GSTT4: variants seen among roughly 807,000 people sequenced by gnomAD.
GSTT4 encodes glutathione S-transferase theta-4.
At chr22:23,993,989 A>G (rs1196148225), downstream of GSTT4, among the ~76,000 whole-genome samples, 3 of 152,220 alleles carry the variant, frequency 2.0e-5, no homozygotes, top group East Asian at 1.9e-4. Flanking sequence ...TGGAAGCTAC[A>G]GGGTTTCATG....
the GSTT4 span, among the ~76,000 whole-genome samples, chr22:23,992,862 C>T: frequency 2.0e-5 from 3 of 151,724 alleles, no homozygotes; most frequent in Non-Finnish European, 2.9e-5. Context: ...ACTGCAGCCT[C>T]GACCTGGGCT....
downstream of GSTT4, among the ~76,000 whole-genome samples, chr22:23,994,208 A>G (rs369024124): frequency 6.7e-6 from 1 of 148,836 alleles, no homozygotes; most frequent in African/African-American, 2.5e-5. Context: ...CTTTTGAACA[A>G]TGTAATCATA....
chr22:23,992,254 C>T, the GSTT4 span, among the ~76,000 whole-genome samples: 1 of 141,988 alleles, frequency 7.0e-6, no homozygotes, highest in Non-Finnish European at 1.5e-5. Flanking sequence ...CTAGCTAACG[C>T]CTCCCCGAGA....
the GSTT4 span, among the ~76,000 whole-genome samples, chr22:23,989,660 C>T: frequency 2.0e-5 from 3 of 151,028 alleles, 1 homozygote; most frequent in Non-Finnish European, 4.4e-5. Flanking sequence ...GCTGGGAATC[C>T]CTGCCCCATT....
the GSTT4 span, among the ~76,000 whole-genome samples, chr22:23,989,461 C>T: frequency 1.4e-5 from 2 of 142,632 alleles, no homozygotes; most frequent in African/African-American, 5.0e-5. Flanking sequence ...ATTCACACCC[C>T]ACCCCCAGCC....
chr22:23,999,379 G>T (rs1381720951), intron 4 of GSTT4, among the ~76,000 whole-genome samples: 1 of 146,682 alleles, frequency 6.8e-6, no homozygotes, highest in Non-Finnish European at 1.5e-5. Context: ...ATCAGCCAGA[G>T]ATCTCTGGGA....
At chr22:23,995,769 C>G (rs2034109798), downstream of GSTT4, among the ~76,000 whole-genome samples, 1 of 152,122 alleles carries the variant, frequency 6.6e-6, no homozygotes, top group Non-Finnish European at 1.5e-5. Flanking sequence ...CTTTCAACAG[C>G]ACATTGTAGT....
chr22:23,993,828 G>A (rs2034090608), downstream of GSTT4, among the ~76,000 whole-genome samples: 1 of 150,232 alleles, frequency 6.7e-6, no homozygotes, highest in Non-Finnish European at 1.5e-5. Flanking sequence ...CTTATGTGTG[G>A]ACAAGGAGAT....
At chr22:23,991,055 G>A in the GSTT4 span, among the ~76,000 whole-genome samples, 1 of 92,480 alleles carries the variant, frequency 1.1e-5, no homozygotes, top group African/African-American at 3.3e-5. Context: ...GTGGGCACCT[G>A]TAGTCCCAGC....
chr22:23,989,550 C>T, the GSTT4 span, among the ~76,000 whole-genome samples: 5 of 144,196 alleles, frequency 3.5e-5, no homozygotes, highest in Non-Finnish European at 7.7e-5. Flanking sequence ...CTTCCTATCC[C>T]AGCTGGGGAC....
At chr22:23,996,638 TG>T, downstream of GSTT4, among the ~76,000 whole-genome samples, 1 of 152,200 alleles carries the variant, frequency 6.6e-6, no homozygotes, top group East Asian at 1.9e-4. Flanking sequence ...CTACACTGAT[TG>T]ATTTTTGTAT....
intron 2 of GSTT4, among the ~76,000 whole-genome samples, chr22:24,001,703 C>T (rs986547750): frequency 1.3e-5 from 2 of 152,214 alleles, no homozygotes; most frequent in Admixed American, 6.5e-5. Flanking sequence ...AAAACAAAAA[C>T]GGGGGGGCAC....
intron 1 of GSTT4, chr22:24,004,142 C>G (rs1035681056): frequency 6.5e-6 from 1 of 153,458 alleles, no homozygotes; most frequent in Non-Finnish European, 1.4e-5. Flanking sequence ...CCAGTGCCCA[C>G]CCCCAAAGCT....
downstream of GSTT4, among the ~76,000 whole-genome samples, chr22:23,997,471 C>T (rs1285781921): frequency 1.3e-5 from 2 of 152,064 alleles, no homozygotes; most frequent in African/African-American, 2.4e-5. Context: ...GATCCTTCTG[C>T]CTCTGCTTTC....
rs1037528349 is a variant in GSTT4 at position 23,999,914 on chromosome 22, C to T, written c.528+161G>A. On this transcript the variant is annotated intron_variant, in intron 4 of 4. Transcript: ENST00000621179. ...CATAACATTCTGTGCTTCCTGTTGC[C>T]CCGATTGAGTCCAGGCCCCCAGGCC... Among the ~76,000 whole-genome samples the T allele has an allele frequency of 9.7e-4, 147 of 152,326 alleles. 2 individuals carry two copies. In the South Asian group the frequency reaches 0.029, roughly 30 times the overall value.
chr22:23,996,109 A>G (rs2034112919), downstream of GSTT4, among the ~76,000 whole-genome samples: 1 of 151,830 alleles, frequency 6.6e-6, no homozygotes, highest in South Asian at 2.1e-4. Context: ...ACGCCCGGCT[A>G]ATTTTTGTAT....
the GSTT4 span, among the ~76,000 whole-genome samples, chr22:23,990,821 A>T: frequency 2.3e-3 from 155 of 67,038 alleles, no homozygotes; most frequent in Middle Eastern, 8.6e-3. Flanking sequence ...TGCCCTCTCT[A>T]AACCTGTATT....
Position 24,000,684 on chromosome 22 carries a change from G to GA in GSTT4, c.352-434dup, listed in dbSNP as rs920499476. Among the ~76,000 whole-genome samples, 316 of 143,852 alleles carry GA rather than the reference G, an allele frequency of 2.2e-3. 10 individuals carry two copies. Among genetic ancestry groups the GA allele is most frequent in the African/African-American group, 8.8e-3 (309 of 35,106 alleles). 94.4% of individuals were successfully genotyped at this position (143,852 alleles called of 152,430 possible). Reference sequence around the variant, plus strand: ...AGCAATTGTCCTGCCTCAGCGTCCTGAGTAGCTGGGATTACAGGTGCCCAT... The same window carrying GA: ...AGCAATTGTCCTGCCTCAGCGTCCTGAAGTAGCTGGGATTACAGGTGCCCAT... On this transcript the variant is annotated intron_variant, in intron 3 of 4. Coordinates refer to ENST00000621179, the MANE Select transcript of GSTT4 (RefSeq NM_001358664.2).
At chr22:24,003,252 C>T (rs887876234) in intron 2 of GSTT4, among the ~76,000 whole-genome samples, 1 of 152,216 alleles carries the variant, frequency 6.6e-6, no homozygotes, top group Non-Finnish European at 1.5e-5. Context: ...CACTCTGTTG[C>T]CCACGCTGAA....
Sources: gnomAD v4.1 joint callset for allele counts (sites outside exome capture counted in the v4.1 genomes callset) on GRCh38, gnomAD v4.1.1 for gene constraint, MANE v1.5 for transcripts, NCBI Gene and HGNC (gene_info 2026-07-23, HGNC 2026-07-21) for gene names.